The following XRRA1 variants were observed in gnomAD, a reference collection of about 807,000 sequenced individuals.
XRRA1 encodes X-ray radiation resistance-associated protein 1.
In XRRA1, 69 loss-of-function variants were observed where a neutral mutation model predicts 80.2. The ratio of observed to expected loss-of-function variants is 0.86; its 90% CI spans 0.71 to 1.05. XRRA1 has a LOEUF of 1.05. Ranked by LOEUF, XRRA1 falls within the 50% of genes least tolerant of loss-of-function variation. The pLI is 0.00. For synonymous variants in XRRA1, 348 were observed against 389.9 expected, an observed-to-expected ratio of 0.89 and a Z score of 1.27; for missense variants, 967 against 976.4, an observed-to-expected ratio of 0.99 and a Z score of 0.13.
intron 10 of XRRA1, among the ~76,000 whole-genome samples, chr11:74,872,092 A>G (rs950663665): frequency 6.6e-6 from 1 of 152,228 alleles, no homozygotes; most frequent in African/African-American, 2.4e-5. Flanking sequence ...TGGAACCCTG[A>G]TGACTCCACA....
intron 12 of XRRA1, 111 bp downstream of exon 12, chr11:74,859,047 G>A (rs2041763565): frequency 1.5e-6 from 2 of 1,371,782 alleles, no homozygotes; most frequent in African/African-American, 1.5e-5. Flanking sequence ...CTGAGCCCAT[G>A]TACCTGTAAT....
chr11:74,899,951 A>T (rs998111121), intron 10 of XRRA1, among the ~76,000 whole-genome samples: 1 of 152,046 alleles, frequency 6.6e-6, no homozygotes, highest in Non-Finnish European at 1.5e-5. Context: ...ACATTAAAAA[A>T]AATAATAATA....
chr11:74,946,513 G>A (rs545751253), intron 1 of XRRA1, among the ~76,000 whole-genome samples: 77 of 152,022 alleles, frequency 5.1e-4, no homozygotes, highest in Non-Finnish European at 9.1e-4. Flanking sequence ...TTCCCTTTCC[G>A]CCATGATTGT....
At chr11:74,850,889 A>C (rs2039654454) in intron 14 of XRRA1, 199 bp downstream of exon 14, 1 of 339,762 alleles carries the variant, frequency 2.9e-6, no homozygotes, top group South Asian at 4.2e-5. Context: ...TAAGAGTTTT[A>C]GGAGTTTAAA....
chr11:74,861,034 G>A (rs2042191367), intron 11 of XRRA1, among the ~76,000 whole-genome samples: 1 of 152,184 alleles, frequency 6.6e-6, no homozygotes, highest in Non-Finnish European at 1.5e-5. Context: ...GGTGGCCAGT[G>A]AGCCTCCAAT....
chr11:74,931,184 A>G (rs1943476063), intron 5 of XRRA1, among the ~76,000 whole-genome samples: 1 of 151,986 alleles, frequency 6.6e-6, no homozygotes, highest in Admixed American at 6.6e-5. Context: ...TACAGGTAGT[A>G]AAACTTTACG....
intron 10 of XRRA1, among the ~76,000 whole-genome samples, chr11:74,883,243 C>T (rs546023266): frequency 4.4e-4 from 67 of 152,098 alleles, no homozygotes; most frequent in African/African-American, 1.4e-3. Context: ...GTTGGAAAAG[C>T]GCAGTATTTG....
In XRRA1 at chr11:74,848,405, T is replaced by C. The variant is rs770503458; in HGVS notation, c.1438A>G (p.Met480Val). The C allele has an allele frequency of 5.6e-6, 9 of 1,613,894 alleles. No individual in the cohort carries two copies. The East Asian group carries it at 1.1e-4, about 20-fold the overall frequency. Residue 480 changes from methionine (M) to valine (V), a missense_variant, in exon 15 of 19, where the codon ATG (methionine) becomes GTG (valine). Met to Val is a conservative substitution (Grantham distance 21, BLOSUM62 1). Transcript: ENST00000684022. Reference sequence around the variant, plus strand: ...TTTGAGGGAGACTTGGTTGTCGTCATGCGCGGGTGATGGAGCACCAGAGGC... The same window carrying C: ...TTTGAGGGAGACTTGGTTGTCGTCACGCGCGGGTGATGGAGCACCAGAGGC... ...KQPLVLHHPR[M>V]TTTKSPSKDM... is the part of the protein sequence containing the mutation.
chr11:74,885,017 A>C (rs2048682532), intron 10 of XRRA1, among the ~76,000 whole-genome samples: 1 of 152,184 alleles, frequency 6.6e-6, no homozygotes, highest in Non-Finnish European at 1.5e-5. Context: ...TAATCCCAGC[A>C]ATTTGGGAGG....
At chr11:74,849,447 C>T (rs2039217783) in intron 14 of XRRA1, among the ~76,000 whole-genome samples, 1 of 152,154 alleles carries the variant, frequency 6.6e-6, no homozygotes, top group African/African-American at 2.4e-5. Flanking sequence ...TATGTGGAAC[C>T]TCAGTGTTTA....
At chr11:74,934,204 TAGTA>T (rs1467738449) in intron 4 of XRRA1, among the ~76,000 whole-genome samples, 11 of 152,350 alleles carry the variant, frequency 7.2e-5, no homozygotes, top group African/African-American at 1.7e-4. Context: ...GTCCCACAGT[TAGTA>T]AGTGACAGAT....
Position 74,936,982 on chromosome 11 carries a change from T to C in XRRA1, c.181A>G (p.Ser61Gly). ...AACTCAAAAGAAGTCGCCTTCAGGC[T>C]TTCCCGACGTTCAGCTTGTGCTCCA... ...LVGAQAERRE[S>G]LKATSFEFKG... The change falls in exon 4 of 19, where the codon AGC becomes GGC. Residue 61 changes from serine (S) to glycine (G), a missense_variant. Ser to Gly is a moderately conservative substitution (Grantham distance 56). Transcript: ENST00000684022. The C allele has an allele frequency of 6.2e-7, 1 of 1,613,884 alleles. No homozygotes were observed. The highest frequency in any genetic ancestry group is 8.5e-7 in the Non-Finnish European group (1 of 1,179,872).
rs1940661169 is a variant in XRRA1 at position 74,921,199 on chromosome 11, G to C, written c.656+15C>G. ...ACACAAAAACACAGAATGGACTCCAGGAGGTAGAACTTACTGTTCTGCGAC... is the reference window on the plus strand; with the variant it reads ...ACACAAAAACACAGAATGGACTCCACGAGGTAGAACTTACTGTTCTGCGAC... On this transcript the variant is annotated intron_variant, in intron 8 of 18. Transcript: ENST00000684022. The C allele has an allele frequency of 1.2e-6, 2 of 1,612,436 alleles. No homozygotes were observed. Among genetic ancestry groups the C allele is most frequent in the Non-Finnish European group, 1.7e-6 (2 of 1,178,880 alleles).
intron 14 of XRRA1, among the ~76,000 whole-genome samples, chr11:74,849,498 C>G (rs780614820): frequency 5.9e-5 from 9 of 152,194 alleles, no homozygotes; most frequent in African/African-American, 9.6e-5. Context: ...ATCCATGCCA[C>G]AAGGCACAGG....
intron 9 of XRRA1, 196 bp downstream of exon 9, chr11:74,906,949 T>C (rs1165634591): frequency 1.6e-6 from 1 of 619,198 alleles, no homozygotes; most frequent in Non-Finnish European, 2.7e-6. Context: ...TGATCAGAAA[T>C]GTCCTCACTC....
chr11:74,854,096 TG>T (rs2040520540), intron 12 of XRRA1, among the ~76,000 whole-genome samples: 1 of 152,164 alleles, frequency 6.6e-6, no homozygotes, highest in African/African-American at 2.4e-5. Flanking sequence ...AAGGGAACAA[TG>T]AAAGAACATA....
intron 10 of XRRA1, among the ~76,000 whole-genome samples, chr11:74,881,419 T>C (rs1472307589): frequency 1.3e-5 from 2 of 150,684 alleles, no homozygotes; most frequent in East Asian, 1.9e-4. Context: ...CTTTATCCAA[T>C]TTGCCAGTCT....
At chr11:74,895,037 G>A (rs893420862) in intron 10 of XRRA1, among the ~76,000 whole-genome samples, 10 of 152,092 alleles carry the variant, frequency 6.6e-5, no homozygotes, top group Admixed American at 2.0e-4. Context: ...TTGTCCCCCC[G>A]TCCCCTAAAC....
At position 74,921,348 on chromosome 11, in the gene XRRA1, C is replaced by A. The variant is rs1289455841; in HGVS notation, c.523-1G>T. On this transcript the variant is annotated splice_acceptor_variant, in intron 7 of 18. Coordinates refer to ENST00000684022, the MANE Select transcript of XRRA1 (RefSeq NM_001378157.1). LOFTEE classifies it high-confidence loss of function. ...GGCTGTTGAAGGAAAGGTCCAAGAA[C>A]TGCCATGCAAAGATGAAAGATGGGG... The A allele has an allele frequency of 6.2e-7, 1 of 1,613,898 alleles. No individual in the cohort carries two copies. The highest frequency in any genetic ancestry group is 8.5e-7 in the Non-Finnish European group (1 of 1,179,830).
Sources: gnomAD v4.1 joint callset for allele counts (sites outside exome capture counted in the v4.1 genomes callset) on GRCh38, gnomAD v4.1.1 for gene constraint, MANE v1.5 for transcripts, NCBI Gene and HGNC (gene_info 2026-07-23, HGNC 2026-07-21) for gene names.